PLCB1: variants seen among roughly 807,000 people sequenced by gnomAD.
PLCB1 encodes phospholipase C beta 1.
In PLCB1, 46 loss-of-function variants were observed where a neutral mutation model predicts 161.8. That is an observed-to-expected ratio of 0.28 (90% CI 0.22 to 0.36). The LOEUF (loss-of-function observed/expected upper bound fraction) is 0.36. Ranked by LOEUF, PLCB1 falls within the 10% of genes least tolerant of loss-of-function variation. The pLI, the probability that PLCB1 is intolerant of heterozygous loss-of-function variation, is 1.00. For synonymous variants in PLCB1, 517 were observed against 503.7 expected, an observed-to-expected ratio of 1.03 and a Z score of -0.35; for missense variants, 1,016 against 1,472.5, an observed-to-expected ratio of 0.69 and a Z score of 5.07.
intron 2 of PLCB1, among the ~76,000 whole-genome samples, chr20:8,301,239 T>C (rs1387737585): frequency 6.6e-6 from 1 of 152,136 alleles, no homozygotes; most frequent in African/African-American, 2.4e-5. Context: ...CATGCCAAGG[T>C]TGGCATTTTT....
At chr20:8,582,279 T>C (rs1184381803) in intron 3 of PLCB1, among the ~76,000 whole-genome samples, 1 of 152,168 alleles carries the variant, frequency 6.6e-6, no homozygotes, top group Non-Finnish European at 1.5e-5. Flanking sequence ...CACCCCTTTT[T>C]CTAGGAATTG....
intron 3 of PLCB1, among the ~76,000 whole-genome samples, chr20:8,433,194 G>C (rs1980134163): frequency 2.6e-5 from 4 of 152,200 alleles, no homozygotes; most frequent in Admixed American, 2.6e-4. Context: ...GAAAGCCTCA[G>C]ACTTCAAAAT....
chr20:8,497,983 C>T (rs1010200959), intron 3 of PLCB1, among the ~76,000 whole-genome samples: 5 of 152,092 alleles, frequency 3.3e-5, no homozygotes, highest in African/African-American at 9.7e-5. Context: ...AATGACTCTC[C>T]AAATATCTTT....
chr20:8,842,139 A>G (rs536198553), intron 31 of PLCB1, among the ~76,000 whole-genome samples: 1 of 152,326 alleles, frequency 6.6e-6, no homozygotes, highest in Non-Finnish European at 1.5e-5. Flanking sequence ...ATGCTTTGCA[A>G]TAGTCTAAAA....
chr20:8,223,532 AT>A (rs1381369345), intron 2 of PLCB1, among the ~76,000 whole-genome samples: 2 of 152,124 alleles, frequency 1.3e-5, no homozygotes, highest in Non-Finnish European at 2.9e-5. Context: ...AACTTTTGAA[AT>A]TCAGCCTTAA....
chr20:8,865,553 G>A (rs1215677607), intron 31 of PLCB1, among the ~76,000 whole-genome samples: 1 of 152,160 alleles, frequency 6.6e-6, no homozygotes, highest in Non-Finnish European at 1.5e-5. Context: ...TCATACAATA[G>A]AATTTTATTT....
intron 2 of PLCB1, among the ~76,000 whole-genome samples, chr20:8,257,762 AT>A (rs1981500719): frequency 6.6e-6 from 1 of 152,074 alleles, no homozygotes; most frequent in African/African-American, 2.4e-5. Context: ...ATTTTCACTG[AT>A]TTTTTTCACA....
At chr20:8,151,300 A>T (rs763379697) in intron 2 of PLCB1, among the ~76,000 whole-genome samples, 14 of 152,204 alleles carry the variant, frequency 9.2e-5, no homozygotes, top group Non-Finnish European at 1.3e-4. Context: ...AAAACTCTAC[A>T]TTAGTTTCTT....
At chr20:8,354,699 T>A (rs1986303500) in intron 2 of PLCB1, among the ~76,000 whole-genome samples, 2 of 152,218 alleles carry the variant, frequency 1.3e-5, no homozygotes. Flanking sequence ...GTTATATTAA[T>A]GGACTGGCAT....
chr20:8,738,542 T>C (rs6056051), intron 20 of PLCB1, among the ~76,000 whole-genome samples: 90,255 of 151,648 alleles, frequency 0.6, 27,833 homozygotes, highest in East Asian at 0.68. Context: ...AACTTAAAAG[T>C]ATAATAATAA....
chr20:8,361,698 A>G (rs1229138399), intron 2 of PLCB1, among the ~76,000 whole-genome samples: 1 of 152,210 alleles, frequency 6.6e-6, no homozygotes, highest in Non-Finnish European at 1.5e-5. Context: ...TTGCACTGCC[A>G]GTTAAAAAAA....
intron 9 of PLCB1, among the ~76,000 whole-genome samples, chr20:8,683,445 C>G (rs1990271645): frequency 6.6e-6 from 1 of 151,080 alleles, no homozygotes; most frequent in African/African-American, 2.4e-5. Flanking sequence ...AACATATTTA[C>G]TACCCGCAAA....
intron 10 of PLCB1, among the ~76,000 whole-genome samples, chr20:8,687,358 A>C (rs1384277454): frequency 6.6e-6 from 1 of 152,036 alleles, no homozygotes; most frequent in East Asian, 1.9e-4. Context: ...TTATTTTTCC[A>C]TAAGTTATAA....
intron 3 of PLCB1, among the ~76,000 whole-genome samples, chr20:8,580,975 A>G (rs1986816454): frequency 6.6e-6 from 1 of 152,236 alleles, no homozygotes; most frequent in Non-Finnish European, 1.5e-5. Flanking sequence ...TGTGTGGGAA[A>G]GTGGTAAGAC....
At chr20:8,298,524 A>T (rs1478885903) in intron 2 of PLCB1, among the ~76,000 whole-genome samples, 1 of 151,768 alleles carries the variant, frequency 6.6e-6, no homozygotes, top group Non-Finnish European at 1.5e-5. Context: ...GCTTTAAAGT[A>T]AATATACTGA....
At chr20:8,865,830 A>T (rs1455117415) in intron 31 of PLCB1, among the ~76,000 whole-genome samples, 4 of 152,208 alleles carry the variant, frequency 2.6e-5, no homozygotes, top group Non-Finnish European at 4.4e-5. Context: ...TGGATTTGGC[A>T]GCTGCACCCA....
At chr20:8,842,090 C>T (rs958646799) in intron 31 of PLCB1, among the ~76,000 whole-genome samples, 2 of 152,050 alleles carry the variant, frequency 1.3e-5, no homozygotes, top group African/African-American at 4.8e-5. Context: ...ATGATGACAT[C>T]AGTGTAAGAT....
At chr20:8,252,828 C>T (rs1437216134) in intron 2 of PLCB1, among the ~76,000 whole-genome samples, 1 of 151,922 alleles carries the variant, frequency 6.6e-6, no homozygotes, top group Non-Finnish European at 1.5e-5. Flanking sequence ...CCTGTCATGG[C>T]TATAATTAGC....
At chr20:8,729,246 T>A in intron 18 of PLCB1, 72 bp downstream of exon 18, 2 of 1,345,716 alleles carry the variant, frequency 1.5e-6, no homozygotes, top group Admixed American at 2.5e-5. Context: ...TCTTACATAA[T>A]TGGGGGAGAG....
Sources: allele counts gnomAD v4.1 joint callset (sites outside exome capture counted in the v4.1 genomes callset), GRCh38; gene constraint gnomAD v4.1.1; transcripts MANE v1.5; gene names NCBI Gene and HGNC (gene_info 2026-07-23, HGNC 2026-07-21).